Variants in TPTE observed in about 807,000 individuals in gnomAD.
TPTE encodes the protein putative tyrosine-protein phosphatase TPTE.
TPTE carries 59 observed loss-of-function variants against 84.1 expected under a neutral mutation model. The observed-to-expected ratio is 0.70, with a 90% CI of 0.57 to 0.87. The LOEUF is 0.87. Among genes scored for constraint, TPTE ranks in the 40% least tolerant of loss-of-function variants. TPTE has a pLI of 0.00. For synonymous variants in TPTE, 130 were observed against 223.5 expected (o/e 0.58, Z 3.73); for missense variants, 382 against 659.6 (o/e 0.58, Z 4.61).
At chr21:10,563,274 A>G (rs985457390) in intron 10 of TPTE, among the ~76,000 whole-genome samples, 4 of 152,310 alleles carry the variant, frequency 2.6e-5, no homozygotes, top group African/African-American at 9.6e-5. Flanking sequence ...TCAATCAGAA[A>G]GATAAGGACA....
chr21:10,605,329 G>A, intron 23 of TPTE, 88 bp from the exon 24 acceptor site: 1 of 1,498,712 alleles, frequency 6.7e-7, no homozygotes, highest in Non-Finnish European at 8.9e-7. Context: ...TTCTTTTTTT[G>A]TTTCTTCCAG....
At chr21:10,552,249 C>G (rs2074588807) in intron 7 of TPTE, among the ~76,000 whole-genome samples, 1 of 152,308 alleles carries the variant, frequency 6.6e-6, no homozygotes, top group Non-Finnish European at 1.5e-5. Context: ...CACAGGGAAC[C>G]CAAAACATTT....
At chr21:10,589,321 C>G (rs1216644159) in intron 17 of TPTE, among the ~76,000 whole-genome samples, 2 of 152,290 alleles carry the variant, frequency 1.3e-5, no homozygotes, top group Admixed American at 1.3e-4. Context: ...TGTGGTTTGA[C>G]CTATGAGCCA....
intron 21 of TPTE, among the ~76,000 whole-genome samples, chr21:10,600,137 T>C (rs1444887560): frequency 7.6e-5 from 11 of 144,736 alleles, no homozygotes; most frequent in African/African-American, 2.8e-4. Context: ...TTTTTTTCTT[T>C]TTCTTTTTTT....
intron 8 of TPTE, among the ~76,000 whole-genome samples, chr21:10,558,378 A>C (rs1372375863): frequency 6.6e-6 from 1 of 152,422 alleles, no homozygotes; most frequent in Non-Finnish European, 1.5e-5. Context: ...AACAATGTAT[A>C]TGTGTTCCCT....
At chr21:10,527,885 A>G (rs1476512145) in intron 3 of TPTE, among the ~76,000 whole-genome samples, 1 of 152,308 alleles carries the variant, frequency 6.6e-6, no homozygotes, top group African/African-American at 2.4e-5. Context: ...CATGAAGAGC[A>G]TGAAGGTGGT....
At chr21:10,568,555 A>G (rs1482581714) in intron 11 of TPTE, among the ~76,000 whole-genome samples, 1 of 152,308 alleles carries the variant, frequency 6.6e-6, no homozygotes, top group African/African-American at 2.4e-5. Flanking sequence ...TCATGGGTCA[A>G]ATAGCTGATT....
At chr21:10,542,785 G>A (rs2074394827) in intron 6 of TPTE, among the ~76,000 whole-genome samples, 1 of 152,296 alleles carries the variant, frequency 6.6e-6, no homozygotes, top group African/African-American at 2.4e-5. Flanking sequence ...TCTCATTGTA[G>A]CATTTGTTAG....
chr21:10,546,976 G>A (rs568908386), intron 7 of TPTE, among the ~76,000 whole-genome samples: 9 of 152,424 alleles, frequency 5.9e-5, no homozygotes, highest in African/African-American at 1.9e-4. Flanking sequence ...CATTTTCAAT[G>A]TAGACAAGAT....
intron 19 of TPTE, among the ~76,000 whole-genome samples, chr21:10,593,422 C>G (rs1339334603): frequency 2.0e-5 from 3 of 152,308 alleles, no homozygotes; most frequent in Non-Finnish European, 4.4e-5. Flanking sequence ...AAAGTCCACA[C>G]ATTTCATTTG....
intron 2 of TPTE, among the ~76,000 whole-genome samples, chr21:10,527,130 T>TC (rs1437513750): frequency 6.7e-6 from 1 of 150,036 alleles, no homozygotes; most frequent in Non-Finnish European, 1.5e-5. Context: ...TTTTTCTGTG[T>TC]CCCCTCTCTC....
intron 3 of TPTE, among the ~76,000 whole-genome samples, chr21:10,537,070 A>G (rs866098845): frequency 0.019 from 2,938 of 151,032 alleles, no homozygotes; most frequent in Non-Finnish European, 0.028. Flanking sequence ...GAGAGCAGAG[A>G]AGACACCTAT....
intron 22 of TPTE, among the ~76,000 whole-genome samples, chr21:10,603,040 A>G (rs1412758895): frequency 1.9e-4 from 29 of 152,398 alleles, no homozygotes; most frequent in Non-Finnish European, 4.0e-4. Context: ...TAGCTGTCCC[A>G]TAGTGAAGTG....
At chr21:10,597,412 CTTTTTTTTTT>C (rs146272836) in intron 20 of TPTE, among the ~76,000 whole-genome samples, 12 of 139,898 alleles carry the variant, frequency 8.6e-5, no homozygotes, top group South Asian at 2.3e-4. Flanking sequence ...TTTCTTTTTT[CTTTTTTTTTT>C]TTTTTTTTTG....
intron 21 of TPTE, 140 bp from the exon 22 acceptor site, chr21:10,601,915 TTAA>T (rs1978574014): frequency 1.2e-6 from 1 of 836,794 alleles, no homozygotes; most frequent in South Asian, 1.7e-5. Context: ...GAAGAGATTA[TTAA>T]TAATTATTTA....
At chr21:10,551,587 A>G (rs1464066322) in intron 7 of TPTE, among the ~76,000 whole-genome samples, 2 of 152,304 alleles carry the variant, frequency 1.3e-5, no homozygotes, top group East Asian at 3.8e-4. Flanking sequence ...TGAAGACCAA[A>G]CAGAAATAAA....
At chr21:10,531,285 G>T (rs1395781471) in intron 3 of TPTE, among the ~76,000 whole-genome samples, 2 of 152,310 alleles carry the variant, frequency 1.3e-5, no homozygotes, top group Non-Finnish European at 2.9e-5. Context: ...CCCTCCCTTG[G>T]AGTGAGGGTG....
chr21:10,548,276 C>G (rs1257377589), intron 7 of TPTE, among the ~76,000 whole-genome samples: 1 of 152,310 alleles, frequency 6.6e-6, no homozygotes, highest in Admixed American at 6.5e-5. Flanking sequence ...CCACCCCACA[C>G]AGAAACACTC....
intron 21 of TPTE, among the ~76,000 whole-genome samples, chr21:10,598,776 C>T (rs2075637100): frequency 6.6e-6 from 1 of 152,310 alleles, no homozygotes. Flanking sequence ...CTTTCATGGT[C>T]TAATAACCAT....
Sources: allele counts gnomAD v4.1 joint callset (sites outside exome capture counted in the v4.1 genomes callset), GRCh38; gene constraint gnomAD v4.1.1; transcripts MANE v1.5; gene names NCBI Gene and HGNC (gene_info 2026-07-23, HGNC 2026-07-21).